The following RNF144A variants were observed in gnomAD, a reference collection of about 807,000 sequenced individuals.
RNF144A encodes the protein ring finger protein 144A, also known as E3 ubiquitin-protein ligase RNF144A.
Under a neutral mutation model 38.7 loss-of-function variants are expected in RNF144A, and 11 were observed. That is an observed-to-expected ratio of 0.28 (90% CI 0.18 to 0.47). RNF144A has a LOEUF of 0.47. RNF144A is among the 20% of genes least tolerant of loss of function. The pLI is 0.99. For missense variants in RNF144A, 316 were observed against 377.2 expected (o/e 0.84, Z 1.34); for synonymous variants, 149 against 143.9 (o/e 1.04, Z -0.25).
intron 2 of RNF144A, among the ~76,000 whole-genome samples, chr2:6,980,097 C>T (rs1280729377): frequency 6.6e-6 from 1 of 152,186 alleles, no homozygotes; most frequent in East Asian, 1.9e-4. Context: ...CCCCCATGAT[C>T]CAGTCACCTC....
intron 2 of RNF144A, among the ~76,000 whole-genome samples, chr2:6,984,730 G>A (rs554028124): frequency 2.6e-5 from 4 of 152,220 alleles, no homozygotes; most frequent in Non-Finnish European, 5.9e-5. Flanking sequence ...ATAGGAGTGC[G>A]TAATTGTATT....
At chr2:7,008,680 T>C (rs1399235814) in intron 3 of RNF144A, among the ~76,000 whole-genome samples, 1 of 152,192 alleles carries the variant, frequency 6.6e-6, no homozygotes, top group Non-Finnish European at 1.5e-5. Context: ...CTGACTGCTG[T>C]TTGTCTTGGA....
downstream of RNF144A, among the ~76,000 whole-genome samples, chr2:7,045,797 G>C (rs61744834): frequency 6.6e-6 from 1 of 152,146 alleles, no homozygotes; most frequent in East Asian, 1.9e-4. Context: ...AGCAGGTGGC[G>C]GGGCTCCGTT....
chr2:6,965,977 C>T (rs1250060398), intron 2 of RNF144A, among the ~76,000 whole-genome samples: 6 of 152,202 alleles, frequency 3.9e-5, no homozygotes, highest in Admixed American at 6.5e-5. Context: ...AACACACACA[C>T]AAATACCAGA....
At position 7,042,383 on chromosome 2, in the gene RNF144A, G is replaced by T; in HGVS notation, c.*2623G>T. The T allele has an allele frequency of 1.0e-6, 1 of 985,422 alleles. No homozygotes were observed. 61.0% of individuals were successfully genotyped at this position (985,422 alleles called of 1,614,324 possible). A position where few individuals can be genotyped will look rare whatever the true frequency, so the allele number is the denominator to read the frequency against. Reference sequence around the variant, plus strand: ...TGAAGCGGCATAATTTGTCTCCATTGAAAAATGGCATTCACTCTTACAGAT... The same window carrying T: ...TGAAGCGGCATAATTTGTCTCCATTTAAAAATGGCATTCACTCTTACAGAT... On this transcript the variant is annotated 3_prime_UTR_variant, in exon 9 of 9. Coordinates refer to ENST00000320892, the MANE Select transcript of RNF144A (RefSeq NM_014746.6).
chr2:6,998,275 C>A (rs1026311736), intron 3 of RNF144A, among the ~76,000 whole-genome samples: 1 of 152,100 alleles, frequency 6.6e-6, no homozygotes, highest in African/African-American at 2.4e-5. Context: ...ATCTGTCACT[C>A]GAACAGTCTC....
At chr2:7,027,166 A>G (rs1008223934) in intron 7 of RNF144A, among the ~76,000 whole-genome samples, 4 of 152,022 alleles carry the variant, frequency 2.6e-5, no homozygotes, top group Non-Finnish European at 4.4e-5. Flanking sequence ...AATATTTCAG[A>G]CCGCCTCCTC....
rs1345737627 is a variant in RNF144A at position 7,040,765 on chromosome 2, G to C, written c.*1005G>C. On this transcript the variant is annotated 3_prime_UTR_variant, in exon 9 of 9. Coordinates refer to ENST00000320892, the MANE Select transcript of RNF144A (RefSeq NM_014746.6). ...TTGGCAGAGGCTGGAGGACTCTGGG[G>C]GCTAGGGAAGAGCCTGCCAGATTTT... 2.0e-5 allele frequency: 20 copies of C among 985,338 alleles called. No homozygotes were observed. Among genetic ancestry groups the C allele is most frequent in the Non-Finnish European group, 2.4e-5 (20 of 829,956 alleles). The allele number at this position is 985,338 out of a possible 1,614,324, so 61.0% of individuals were successfully genotyped here. A position where few individuals can be genotyped will look rare whatever the true frequency, so the allele number is the denominator to read the frequency against.
At chr2:7,064,042 C>A (rs768931467) in intron 6 of RNF144A, among the ~76,000 whole-genome samples, 3 of 152,128 alleles carry the variant, frequency 2.0e-5, no homozygotes, top group Non-Finnish European at 2.9e-5. Context: ...CAGAGAGACA[C>A]CACAGGGGCT....
chr2:7,000,438 C>T (rs972291030), intron 3 of RNF144A, among the ~76,000 whole-genome samples: 1 of 152,156 alleles, frequency 6.6e-6, no homozygotes, highest in Non-Finnish European at 1.5e-5. Flanking sequence ...AGAGATGCAA[C>T]CTGTGTGTAG....
intron 2 of RNF144A, 60 bp from the exon 3 acceptor site, chr2:6,996,856 A>G (rs888493506): frequency 3.1e-5 from 48 of 1,561,442 alleles, no homozygotes; most frequent in African/African-American, 4.1e-5. Flanking sequence ...GAACCTTGCC[A>G]CGGAGCAGGT....
rs369145357 is a variant in RNF144A at position 6,974,955 on chromosome 2, G to T, written c.-11-21961G>T. ...TAGAATGAGTAGGCATGATTGCTTG[G>T]TTATAACCGGAAAAGAAGTTAAGAG... On this transcript the variant is annotated intron_variant, in intron 2 of 8. Coordinates refer to ENST00000320892, the MANE Select transcript of RNF144A (RefSeq NM_014746.6). 1.5e-4 allele frequency among the ~76,000 whole-genome samples: 23 copies of T among 152,278 alleles called. No individual in the cohort carries two copies. The East Asian group carries it at 3.7e-3, about 24-fold the overall frequency.
intron 8 of RNF144A, among the ~76,000 whole-genome samples, chr2:7,033,886 C>T (rs190600463): frequency 1.3e-5 from 2 of 152,312 alleles, no homozygotes; most frequent in Non-Finnish European, 2.9e-5. Flanking sequence ...GCGAATGACC[C>T]GTTTGGCCGT....
Position 7,040,077 on chromosome 2 carries a change from C to T in RNF144A, c.*317C>T. 5 of 1,068,510 alleles carry T rather than the reference C, an allele frequency of 4.7e-6. No individual in the cohort carries two copies. Among genetic ancestry groups the T allele is most frequent in the Non-Finnish European group, 4.5e-6 (4 of 883,080 alleles). 66.2% of individuals were successfully genotyped at this position (1,068,510 alleles called of 1,614,324 possible). ...GTAGACTAGGCATGTCTGGGGATGG[C>T]CTAAGAGACTTTCTGCTCCTTGGCT... On this transcript the variant is annotated 3_prime_UTR_variant, in exon 9 of 9. Transcript: ENST00000320892.
intron 2 of RNF144A, among the ~76,000 whole-genome samples, chr2:6,994,208 A>G (rs1243316159): frequency 1.3e-5 from 2 of 152,094 alleles, no homozygotes; most frequent in East Asian, 3.9e-4. Flanking sequence ...CTCTCCCCAG[A>G]TCTCCAGGCC....
chr2:7,046,193 A>ACTCAG (rs1010389611), downstream of RNF144A, among the ~76,000 whole-genome samples: 9 of 152,198 alleles, frequency 5.9e-5, no homozygotes, highest in East Asian at 1.9e-4. Flanking sequence ...AGTGTCCATT[A>ACTCAG]CTCAGCTCAG....
chr2:7,014,862 T>G, intron 5 of RNF144A, 90 bp downstream of exon 5: 1 of 905,812 alleles, frequency 1.1e-6, no homozygotes, highest in Non-Finnish European at 1.8e-6. Context: ...GATATGGTTA[T>G]ACAGCATTTG....
chr2:6,943,219 G>T lies in RNF144A; in HGVS notation c.-12+2072G>T, dbSNP rs971946835. On this transcript the variant is annotated intron_variant, in intron 2 of 8. Transcript: ENST00000320892. This position sits in a 1 kb window ranked among gnomAD's most constrained non-coding sequence, Gnocchi z 4.3. ...GGAGTTGTAAGGACTGGGCCCTGGG[G>T]CATTCTAGCTTCATGAGGAGCAGAA... Among the ~76,000 whole-genome samples, 3 of 152,192 alleles carry T rather than the reference G, an allele frequency of 2.0e-5. No individual in the cohort carries two copies. The East Asian group carries it at 5.8e-4, about 29-fold the overall frequency.
chr2:6,970,096 G>C (rs532898305), intron 2 of RNF144A, among the ~76,000 whole-genome samples: 111 of 152,296 alleles, frequency 7.3e-4, no homozygotes, highest in African/African-American at 2.6e-3. Context: ...GGCTATGTGG[G>C]TATAAGGTGT....
Sources: allele counts gnomAD v4.1 joint callset (sites outside exome capture counted in the v4.1 genomes callset), GRCh38; gene constraint gnomAD v4.1.1; non-coding constraint Gnocchi (gnomAD v3.1); transcripts MANE v1.5; gene names NCBI Gene and HGNC (gene_info 2026-07-23, HGNC 2026-07-21).